The following SIAH2 variants were observed in gnomAD, a reference collection of about 807,000 sequenced individuals.
SIAH2 encodes E3 ubiquitin-protein ligase SIAH2.
A neutral mutation model predicts 20.4 loss-of-function variants in SIAH2; 4 were observed. That is an observed-to-expected ratio of 0.20 (90% CI 0.10 to 0.45). The LOEUF is 0.45. Ranked by LOEUF, SIAH2 falls within the 20% of genes least tolerant of loss-of-function variation. The probability of loss-of-function intolerance (pLI) is 0.99; values close to 1 mark genes in which losing one functional copy is unlikely to be tolerated. For synonymous variants in SIAH2, 171 were observed against 192.5 expected (o/e 0.89, Z 0.93); for missense variants, 259 against 440.3 (o/e 0.59, Z 3.69).
intron 1 of SIAH2, among the ~76,000 whole-genome samples, chr3:150,753,193 A>G (rs1714407972): frequency 6.6e-6 from 1 of 152,198 alleles, no homozygotes; most frequent in African/African-American, 2.4e-5. Flanking sequence ...TGTCTCCACC[A>G]GTAGACTTAG....
intron 1 of SIAH2, among the ~76,000 whole-genome samples, chr3:150,747,266 C>T (rs73008903): frequency 0.14 from 21,418 of 152,206 alleles, 2,996 homozygotes; most frequent in East Asian, 0.37. Flanking sequence ...TGAGGAATAA[C>T]GCAGCAGCAT....
chr3:150,756,340 T>A (rs1272362517), intron 1 of SIAH2, among the ~76,000 whole-genome samples: 2 of 152,214 alleles, frequency 1.3e-5, no homozygotes, highest in Non-Finnish European at 2.9e-5. Context: ...CAAATGTGTA[T>A]CTGCTACGTG....
At position 150,750,918 on chromosome 3, in the gene SIAH2, T is replaced by C. The variant is rs192442439; in HGVS notation, c.418-8220A>G. ...ACCTATGAGTGGGTCTATAAAACTGTCTATGACTTCCTCCTTGACTATTAT... is the reference window on the plus strand; with the variant it reads ...ACCTATGAGTGGGTCTATAAAACTGCCTATGACTTCCTCCTTGACTATTAT... On this transcript the variant is annotated intron_variant, in intron 1 of 1. Transcript: ENST00000312960. Among the ~76,000 whole-genome samples, 1,412 of 152,326 alleles carry C rather than the reference T, an allele frequency of 9.3e-3. 9 individuals carry two copies. Among genetic ancestry groups the C allele is most frequent in the Non-Finnish European group, 0.014 (952 of 68,026 alleles).
chr3:150,746,814 G>A (rs2108118285), intron 1 of SIAH2, among the ~76,000 whole-genome samples: 1 of 152,342 alleles, frequency 6.6e-6, no homozygotes, highest in African/African-American at 2.4e-5. Context: ...GGTCCAGTAG[G>A]TCACTGGCCC....
Position 150,762,363 on chromosome 3 carries a change from C to A in SIAH2, c.417+70G>T. On this transcript the variant is annotated intron_variant, in intron 1 of 1. Transcript: ENST00000312960. The surrounding 1 kb of genome is among the most constrained non-coding windows in gnomAD (Gnocchi z 6.6). ...GATGCCGCCCGCCTCTCCGGGCCTG[C>A]GAGTGGGCTGGCGGATACCGGAGTC... The A allele has an allele frequency of 6.6e-7, 1 of 1,524,946 alleles. No homozygotes were observed. The highest frequency in any genetic ancestry group is 1.4e-5 in the African/African-American group (1 of 71,348). 94.5% of individuals were successfully genotyped at this position (1,524,946 alleles called of 1,614,324 possible).
chr3:150,747,928 C>T (rs568278034), intron 1 of SIAH2, among the ~76,000 whole-genome samples: 5 of 143,306 alleles, frequency 3.5e-5, no homozygotes, highest in Middle Eastern at 3.7e-3. Flanking sequence ...TGTGCCACTG[C>T]ACTCCAGTCT....
rs758968352 is a variant in SIAH2 at position 150,762,537 on chromosome 3, G to A, written c.313C>T (p.Arg105Cys). The stretch of plus-strand genomic sequence containing the variant: ...GTCGGGCAGCAGCTCAACTTCTGGC[G>A]GCATTGGTTACACACCAGGTGCCCG... Reference protein sequence around the residue: ...QAGHLVCNQCRQKLSCCPTCR... With the variant: ...QAGHLVCNQCCQKLSCCPTCR... Residue 105 changes from arginine (R) to cysteine (C), a missense_variant, in exon 1 of 2, where the codon CGC becomes TGC. Physicochemically the swap from Arg to Cys is radical, Grantham distance 180. Coordinates refer to ENST00000312960, the MANE Select transcript of SIAH2 (RefSeq NM_005067.7). This position sits in a 1 kb window ranked among gnomAD's most constrained non-coding sequence, Gnocchi z 6.6. 1 of 1,613,616 alleles carries A rather than the reference G, an allele frequency of 6.2e-7. No homozygotes were observed. Among genetic ancestry groups the A allele is most frequent in the Non-Finnish European group, 8.5e-7 (1 of 1,179,930 alleles).
intron 1 of SIAH2, among the ~76,000 whole-genome samples, chr3:150,758,975 C>A (rs549292227): frequency 6.6e-6 from 1 of 152,022 alleles, no homozygotes; most frequent in Non-Finnish European, 1.5e-5. Context: ...AAACTCCTGA[C>A]CTCAGGTGAT....
Position 150,762,980 on chromosome 3 carries a change from G to A in SIAH2, c.-131C>T, listed in dbSNP as rs1714661486. 1 of 1,022,478 alleles carries A rather than the reference G, an allele frequency of 9.8e-7. No individual in the cohort carries two copies. The highest frequency in any genetic ancestry group is 1.2e-6 in the Non-Finnish European group (1 of 835,138). 63.3% of individuals were successfully genotyped at this position (1,022,478 alleles called of 1,614,324 possible). On this transcript the variant is annotated 5_prime_UTR_variant, in exon 1 of 2. Coordinates refer to ENST00000312960, the MANE Select transcript of SIAH2 (RefSeq NM_005067.7). The surrounding 1 kb of genome is among the most constrained non-coding windows in gnomAD (Gnocchi z 6.6). ...GGCGCCCAGCCCAGGTCCGGGCGGC[G>A]GAGACGCTCGGCGCCCGGCAGGCGG...
chr3:150,753,363 T>C (rs1714411697), intron 1 of SIAH2, among the ~76,000 whole-genome samples: 1 of 152,162 alleles, frequency 6.6e-6, no homozygotes, highest in African/African-American at 2.4e-5. Context: ...GGCCTGACAC[T>C]GCACCAGGGA....
intron 1 of SIAH2, among the ~76,000 whole-genome samples, chr3:150,752,683 T>A (rs993515763): frequency 2.6e-5 from 4 of 152,200 alleles, no homozygotes; most frequent in Non-Finnish European, 5.9e-5. Flanking sequence ...TACTTATTAT[T>A]CTTCTCCGGC....
intron 1 of SIAH2, among the ~76,000 whole-genome samples, chr3:150,745,521 A>C (rs1714192702): frequency 6.8e-6 from 1 of 146,476 alleles, no homozygotes; most frequent in African/African-American, 2.6e-5. Context: ...TTTGAGATGG[A>C]GTCTTGCTCT....
intron 1 of SIAH2, among the ~76,000 whole-genome samples, chr3:150,759,526 C>A (rs901964868): frequency 6.6e-6 from 1 of 152,154 alleles, no homozygotes; most frequent in South Asian, 2.1e-4. Context: ...AGTTATGATT[C>A]AGAATCTTGA....
chr3:150,760,751 A>G (rs951020171), intron 1 of SIAH2, among the ~76,000 whole-genome samples: 4 of 152,256 alleles, frequency 2.6e-5, no homozygotes, highest in Non-Finnish European at 5.9e-5. Context: ...ATGGCTCCCC[A>G]GAAATCCTAT....
Position 150,762,445 on chromosome 3 carries a change from C to G in SIAH2, c.405G>C (p.Leu135=), listed in dbSNP as rs1362109188. The change falls in exon 1 of 2, where the codon CTG becomes CTC. Residue 135 remains leucine (L), a synonymous_variant. Coordinates refer to ENST00000312960, the MANE Select transcript of SIAH2 (RefSeq NM_005067.7). This position sits in a 1 kb window ranked among gnomAD's most constrained non-coding sequence, Gnocchi z 6.6. Reference sequence around the variant, plus strand: ...TCCCTGGGCTTACCTTACAGGGAAACAGGACTGCCGAGGCCACCTTCTCCA... The same window carrying G: ...TCCCTGGGCTTACCTTACAGGGAAAGAGGACTGCCGAGGCCACCTTCTCCA... ...LAMEKVASAV[L]FPCKYATTGC... 1 of 1,612,450 alleles carries G rather than the reference C, an allele frequency of 6.2e-7. No individual in the cohort carries two copies. Among genetic ancestry groups the G allele is most frequent in the Admixed American group, 1.7e-5 (1 of 59,936 alleles).
chr3:150,752,073 C>G (rs1365623834), intron 1 of SIAH2, among the ~76,000 whole-genome samples: 1 of 152,150 alleles, frequency 6.6e-6, no homozygotes, highest in Non-Finnish European at 1.5e-5. Flanking sequence ...TTTGTGAGGT[C>G]CTTTCAAAGT....
At chr3:150,758,477 A>G (rs950306989) in intron 1 of SIAH2, among the ~76,000 whole-genome samples, 2 of 151,942 alleles carry the variant, frequency 1.3e-5, no homozygotes, top group African/African-American at 4.8e-5. Context: ...GTCTGGGCAC[A>G]GGATGTCAAA....
intron 1 of SIAH2, among the ~76,000 whole-genome samples, chr3:150,743,741 C>T (rs1460488221): frequency 6.6e-6 from 1 of 152,178 alleles, no homozygotes; most frequent in Non-Finnish European, 1.5e-5. Flanking sequence ...TCCAGACTCT[C>T]ACAAGGATGA....
At chr3:150,757,049 C>T (rs1714499158) in intron 1 of SIAH2, among the ~76,000 whole-genome samples, 1 of 152,234 alleles carries the variant, frequency 6.6e-6, no homozygotes, top group Admixed American at 6.5e-5. Context: ...CCCCATATTC[C>T]ATTCCATATG....
Sources: gnomAD v4.1 joint callset for allele counts (sites outside exome capture counted in the v4.1 genomes callset) on GRCh38, gnomAD v4.1.1 for gene constraint, Gnocchi (gnomAD v3.1) non-coding constraint, MANE v1.5 for transcripts, NCBI Gene and HGNC (gene_info 2026-07-23, HGNC 2026-07-21) for gene names.